The following NFAT5 variants were observed in gnomAD, a reference collection of about 807,000 sequenced individuals.
NFAT5 encodes the protein nuclear factor of activated T-cells 5.
NFAT5 carries 31 observed loss-of-function variants against 166.5 expected under a neutral mutation model. The observed-to-expected ratio is 0.19, with a 90% CI of 0.14 to 0.25. The LOEUF (loss-of-function observed/expected upper bound fraction) is 0.25, where lower values mean the gene tolerates loss of function less well. Among genes scored for constraint, NFAT5 ranks in the 10% least tolerant of loss-of-function variants. The probability of loss-of-function intolerance (pLI) is 1.00; values close to 1 mark genes in which losing one functional copy is unlikely to be tolerated. For missense variants in NFAT5, 1,449 were observed against 1,821.8 expected (o/e 0.80, Z 3.72); for synonymous variants, 612 against 639.7 (o/e 0.96, Z 0.65).
At chr16:69,667,498 A>G (rs1405900430) in intron 7 of NFAT5, among the ~76,000 whole-genome samples, 11 of 150,644 alleles carry the variant, frequency 7.3e-5, no homozygotes, top group African/African-American at 2.7e-4. Flanking sequence ...AGAAACTAAA[A>G]AAAAAAAAAA....
chr16:69,628,536 C>T (rs961665338), intron 3 of NFAT5, among the ~76,000 whole-genome samples: 10 of 152,070 alleles, frequency 6.6e-5, no homozygotes, highest in Non-Finnish European at 1.5e-4. Flanking sequence ...TTAGAAAGAG[C>T]ACTTCATACC....
chr16:69,622,843 AAAAG>A (rs1351322987), intron 2 of NFAT5, among the ~76,000 whole-genome samples: 1 of 151,742 alleles, frequency 6.6e-6, no homozygotes, highest in Non-Finnish European at 1.5e-5. Flanking sequence ...AAAAAAAAAA[AAAAG>A]AAAAAAATAG....
intron 6 of NFAT5, among the ~76,000 whole-genome samples, chr16:69,658,657 G>A (rs1460077313): frequency 1.3e-5 from 2 of 151,246 alleles, no homozygotes; most frequent in Non-Finnish European, 1.5e-5. Flanking sequence ...GTAAGACTCC[G>A]ACTGTACTAA....
chr16:69,586,134 A>G (rs558502255), intron 2 of NFAT5, among the ~76,000 whole-genome samples: 2 of 152,048 alleles, frequency 1.3e-5, no homozygotes, highest in Admixed American at 6.6e-5. Context: ...AAAGGAGAAT[A>G]TTTTCATTTT....
Position 69,638,006 on chromosome 16 carries a change from G to A in NFAT5, c.254-9022G>A, listed in dbSNP as rs931032955. 1.1e-4 allele frequency among the ~76,000 whole-genome samples: 16 copies of A among 151,172 alleles called. No homozygotes were observed. In the East Asian group the frequency reaches 3.2e-3, roughly 30 times the overall value. The stretch of plus-strand genomic sequence containing the variant: ...GAGGCTGAGGCTGGCGGATCACAAG[G>A]TCAAGAGTTTGAGGCTAGTCTGGCC... On this transcript the variant is annotated intron_variant, in intron 3 of 14. Coordinates refer to ENST00000349945, the MANE Select transcript of NFAT5 (RefSeq NM_138713.4).
intron 2 of NFAT5, among the ~76,000 whole-genome samples, chr16:69,614,156 C>CT (rs1160195056): frequency 0.013 from 1,882 of 145,644 alleles, 30 homozygotes; most frequent in African/African-American, 0.039. Context: ...CTCTTTCTCT[C>CT]TTTTTTTTTT....
Position 69,675,641 on chromosome 16 carries a change from TG to T in NFAT5, c.1558-1561del, listed in dbSNP as rs572268586. Among the ~76,000 whole-genome samples, 338 of 152,250 alleles carry T rather than the reference TG, an allele frequency of 2.2e-3. 2 individuals are homozygous for T. The highest frequency in any genetic ancestry group is 7.4e-3 in the African/African-American group (306 of 41,540). On this transcript the variant is annotated intron_variant, in intron 9 of 14. Transcript: ENST00000349945. ...ATTAGAAGCTAGTTTTTTGTTTTTTTGTTTTTTTTGTTTTGGAGACAGAGTT... is the reference window on the plus strand; with the variant it reads ...ATTAGAAGCTAGTTTTTTGTTTTTTTTTTTTTTTGTTTTGGAGACAGAGTT...
Position 69,648,822 on chromosome 16 carries a change from T to C in NFAT5, c.812+1236T>C, listed in dbSNP as rs567800956. The C allele has an allele frequency of 6.4e-6, 6 of 944,606 alleles. No individual in the cohort carries two copies. The Admixed American group carries it at 3.1e-4, about 49-fold the overall frequency. 58.5% of individuals were successfully genotyped at this position (944,606 alleles called of 1,614,324 possible). On this transcript the variant is annotated intron_variant, in intron 4 of 14. Coordinates refer to ENST00000349945, the MANE Select transcript of NFAT5 (RefSeq NM_138713.4). ...TTACTACTTGATGACATCACTGATC[T>C]TTTTTTGGTTAAAAATTCAGTTGAA... is the stretch of plus-strand genomic sequence containing the variant.
intron 2 of NFAT5, among the ~76,000 whole-genome samples, chr16:69,604,427 A>T (rs1460316872): frequency 6.6e-6 from 1 of 152,092 alleles, no homozygotes; most frequent in Non-Finnish European, 1.5e-5. Context: ...CTCGGATTTG[A>T]GGTTTGTTGT....
chr16:69,644,440 A>G (rs1355337983), intron 3 of NFAT5, among the ~76,000 whole-genome samples: 1 of 152,206 alleles, frequency 6.6e-6, no homozygotes, highest in East Asian at 1.9e-4. Context: ...TTTCAGTGTC[A>G]TAGTTTTGTG....
At chr16:69,626,641 A>G in intron 3 of NFAT5, 113 bp downstream of exon 3, 1 of 866,108 alleles carries the variant, frequency 1.2e-6, no homozygotes, top group Non-Finnish European at 1.6e-6. Context: ...AGGGTTTTAA[A>G]AAGAGGCATT....
intron 7 of NFAT5, among the ~76,000 whole-genome samples, chr16:69,661,097 T>G (rs974624087): frequency 6.0e-5 from 9 of 150,108 alleles, no homozygotes; most frequent in South Asian, 4.2e-4. Flanking sequence ...TTTTTTTTTT[T>G]TTGTTAGATT....
At position 69,693,107 on chromosome 16, in the gene NFAT5, T is replaced by C. The variant is rs370482742; in HGVS notation, c.3282T>C (p.Asn1094=). 2.9e-5 allele frequency: 47 copies of C among 1,614,022 alleles called. No individual in the cohort carries two copies. The highest frequency in any genetic ancestry group is 6.7e-5 in the African/African-American group (5 of 74,910). ...AGGCCCAACTTTTTCATCCTCAAAATCCTATTGCCGATGCTCAGAACCTTT... is the reference window on the plus strand; with the variant it reads ...AGGCCCAACTTTTTCATCCTCAAAACCCTATTGCCGATGCTCAGAACCTTT... ...HSQAQLFHPQ[N]PIADAQNLSQ... is the part of the protein sequence containing the mutation. The change falls in exon 13 of 15, where the codon AAT becomes AAC. Residue 1094 remains asparagine, a synonymous_variant. Transcript: ENST00000349945.
At chr16:69,684,595 G>A (rs2037210760) in intron 10 of NFAT5, among the ~76,000 whole-genome samples, 1 of 151,740 alleles carries the variant, frequency 6.6e-6, no homozygotes, top group Non-Finnish European at 1.5e-5. Context: ...GTTGGTCAGG[G>A]TGGTCTTGAA....
At chr16:69,653,533 T>A in intron 5 of NFAT5, 105 bp downstream of exon 5, 3 of 699,414 alleles carry the variant, frequency 4.3e-6, no homozygotes, top group Non-Finnish European at 6.5e-6. Context: ...TCTTCCCTCA[T>A]ATTTGATATT....
chr16:69,611,100 TCAA>T lies in NFAT5; in HGVS notation c.128-15296_128-15294del, dbSNP rs749990829. ...TTTAATATTAGACTGTCTTTCAAGATCAACAACAAAATAATATATGTAAAATAA... is the reference window on the plus strand; with the variant it reads ...TTTAATATTAGACTGTCTTTCAAGATCAACAAAATAATATATGTAAAATAA... On this transcript the variant is annotated intron_variant, in intron 2 of 14. Coordinates refer to ENST00000349945, the MANE Select transcript of NFAT5 (RefSeq NM_138713.4). Among the ~76,000 whole-genome samples the T allele has an allele frequency of 6.6e-5, 10 of 152,358 alleles. No homozygotes were observed. In the East Asian group the frequency reaches 9.6e-4, roughly 15 times the overall value.
intron 2 of NFAT5, among the ~76,000 whole-genome samples, chr16:69,591,284 T>C (rs2151525883): frequency 1.3e-5 from 2 of 150,992 alleles, no homozygotes; most frequent in South Asian, 4.2e-4. Context: ...TATTAAAGAG[T>C]CCCCTCCCCA....
At chr16:69,601,450 C>T (rs950243703) in intron 2 of NFAT5, among the ~76,000 whole-genome samples, 1 of 152,236 alleles carries the variant, frequency 6.6e-6, no homozygotes, top group South Asian at 2.1e-4. Flanking sequence ...TCACTGTAGC[C>T]TCGACCTCCT....
intron 3 of NFAT5, among the ~76,000 whole-genome samples, chr16:69,635,173 G>A (rs1020710889): frequency 6.6e-5 from 10 of 151,806 alleles, no homozygotes; most frequent in Non-Finnish European, 1.0e-4. Context: ...ACCATGCCTG[G>A]CTAATTCTTG....
Sources: allele counts gnomAD v4.1 joint callset (sites outside exome capture counted in the v4.1 genomes callset), GRCh38; gene constraint gnomAD v4.1.1; transcripts MANE v1.5; gene names NCBI Gene and HGNC (gene_info 2026-07-23, HGNC 2026-07-21).